EXOC4: variants seen among roughly 807,000 people sequenced by gnomAD.
EXOC4 encodes SEC8-like 1.
EXOC4 carries 71 observed loss-of-function variants against 107.2 expected under a neutral mutation model. The ratio of observed to expected loss-of-function variants is 0.66; its 90% CI spans 0.55 to 0.81. EXOC4 has a LOEUF of 0.81. EXOC4 is among the 30% of genes least tolerant of loss of function. The probability of loss-of-function intolerance (pLI) is 0.00; values close to 1 mark genes in which losing one functional copy is unlikely to be tolerated. For missense variants in EXOC4, 1,108 were observed against 1,189.6 expected, an observed-to-expected ratio of 0.93 and a Z score of 1.01; for synonymous variants, 456 against 441.2, an observed-to-expected ratio of 1.03 and a Z score of -0.42.
chr7:133,823,867 ATATATT>A (rs1191956938), intron 11 of EXOC4, among the ~76,000 whole-genome samples: 2 of 12,370 alleles, frequency 1.6e-4, no homozygotes, highest in African/African-American at 8.2e-4. Context: ...ATATATATAT[ATATATT>A]ATATATATAT....
At chr7:133,344,605 G>A (rs955126518) in intron 5 of EXOC4, among the ~76,000 whole-genome samples, 5 of 152,098 alleles carry the variant, frequency 3.3e-5, no homozygotes, top group African/African-American at 1.2e-4. Flanking sequence ...ATAGCCAAAG[G>A]GCATTTCTCT....
intron 6 of EXOC4, among the ~76,000 whole-genome samples, chr7:133,361,468 G>A (rs1223650371): frequency 6.6e-6 from 1 of 152,116 alleles, no homozygotes; most frequent in Admixed American, 6.5e-5. Context: ...TTTTTGTAGA[G>A]ACGGGGTTTC....
intron 11 of EXOC4, among the ~76,000 whole-genome samples, chr7:133,855,094 T>TAA (rs1385513466): frequency 1.2e-5 from 1 of 84,426 alleles, no homozygotes; most frequent in Admixed American, 1.3e-4. Context: ...TATATATAAA[T>TAA]ATATATATAA....
intron 7 of EXOC4, among the ~76,000 whole-genome samples, chr7:133,399,170 G>A (rs1584885281): frequency 6.6e-6 from 1 of 152,160 alleles, no homozygotes; most frequent in Admixed American, 6.5e-5. Flanking sequence ...ACCACTAAAG[G>A]TAAACATTCT....
At chr7:133,726,058 G>A (rs1795208670) in intron 10 of EXOC4, among the ~76,000 whole-genome samples, 1 of 152,228 alleles carries the variant, frequency 6.6e-6, no homozygotes, top group African/African-American at 2.4e-5. Flanking sequence ...ATGTCTGTCA[G>A]TTATCCAAGG....
chr7:133,606,126 C>T (rs866349141), intron 9 of EXOC4, among the ~76,000 whole-genome samples: 1 of 152,152 alleles, frequency 6.6e-6, no homozygotes, highest in African/African-American at 2.4e-5. Context: ...CTAGCATTGG[C>T]AAGAGTGAAA....
At chr7:133,415,578 C>T (rs891479506) in intron 7 of EXOC4, among the ~76,000 whole-genome samples, 11 of 152,016 alleles carry the variant, frequency 7.2e-5, no homozygotes, top group African/African-American at 2.7e-4. Context: ...GCATGTAAAA[C>T]ATTGGCATAT....
At chr7:134,071,504 G>T (rs1796272208), downstream of EXOC4, among the ~76,000 whole-genome samples, 4 of 152,204 alleles carry the variant, frequency 2.6e-5, no homozygotes, top group African/African-American at 9.7e-5. Context: ...AGGTCAGGAG[G>T]TGACAGGTGA....
chr7:133,659,412 G>A (rs541101701), intron 10 of EXOC4, among the ~76,000 whole-genome samples: 4 of 152,226 alleles, frequency 2.6e-5, no homozygotes, highest in East Asian at 1.9e-4. Flanking sequence ...TACTAAGGAT[G>A]CTCTAAGGGC....
chr7:133,519,550 A>G (rs1211868009), intron 9 of EXOC4, among the ~76,000 whole-genome samples: 2 of 152,220 alleles, frequency 1.3e-5, no homozygotes, highest in Admixed American at 6.5e-5. Context: ...AATAAAATGC[A>G]TAAAAACAGG....
intron 7 of EXOC4, among the ~76,000 whole-genome samples, chr7:133,415,059 T>C (rs1351465624): frequency 6.6e-6 from 1 of 152,192 alleles, no homozygotes; most frequent in Non-Finnish European, 1.5e-5. Context: ...GACAGGCTTC[T>C]TTCAGTTAGA....
At chr7:133,792,155 G>T (rs914946021) in intron 10 of EXOC4, among the ~76,000 whole-genome samples, 13 of 152,100 alleles carry the variant, frequency 8.5e-5, no homozygotes, top group African/African-American at 3.1e-4. Flanking sequence ...TGGAGGCTCT[G>T]CCACCATTCT....
At chr7:133,659,644 G>A (rs1343424180) in intron 10 of EXOC4, among the ~76,000 whole-genome samples, 1 of 152,138 alleles carries the variant, frequency 6.6e-6, no homozygotes, top group African/African-American at 2.4e-5. Flanking sequence ...TACTGAATCA[G>A]AACCTCTGGG....
At chr7:133,933,736 C>CT (rs1295794481) in intron 13 of EXOC4, among the ~76,000 whole-genome samples, 1 of 152,172 alleles carries the variant, frequency 6.6e-6, no homozygotes, top group Non-Finnish European at 1.5e-5. Context: ...TCCAGACCAG[C>CT]TTCAGGCCAG....
chr7:134,029,661 A>G (rs1451332574), intron 17 of EXOC4, among the ~76,000 whole-genome samples: 1 of 152,158 alleles, frequency 6.6e-6, no homozygotes. Context: ...CTGGGACCAC[A>G]GGCAGACACA....
At chr7:133,534,075 G>A (rs1007888945) in intron 9 of EXOC4, among the ~76,000 whole-genome samples, 7 of 152,130 alleles carry the variant, frequency 4.6e-5, no homozygotes, top group Non-Finnish European at 1.0e-4. Flanking sequence ...TTCAGCTCAC[G>A]TAAGAACTTC....
intron 9 of EXOC4, among the ~76,000 whole-genome samples, chr7:133,560,658 G>A (rs1478774712): frequency 6.6e-6 from 1 of 152,124 alleles, no homozygotes; most frequent in Non-Finnish European, 1.5e-5. Context: ...GTGGGCTGGT[G>A]TGGCTGTATT....
intron 9 of EXOC4, among the ~76,000 whole-genome samples, chr7:133,525,012 C>G (rs1800053059): frequency 6.6e-6 from 1 of 152,162 alleles, no homozygotes; most frequent in African/African-American, 2.4e-5. Context: ...ACTCTATTGT[C>G]AGTGCATTTG....
At chr7:134,045,086 G>A (rs1199708126) in intron 17 of EXOC4, among the ~76,000 whole-genome samples, 1 of 152,200 alleles carries the variant, frequency 6.6e-6, no homozygotes, top group Admixed American at 6.5e-5. Flanking sequence ...TCAGGTGTAT[G>A]TGAAAGGACC....
Sources: gnomAD v4.1 joint callset for allele counts (sites outside exome capture counted in the v4.1 genomes callset) on GRCh38, gnomAD v4.1.1 for gene constraint, MANE v1.5 for transcripts, NCBI Gene and HGNC (gene_info 2026-07-23, HGNC 2026-07-21) for gene names.